The following IL1RAPL1 variants were observed in gnomAD, a reference collection of about 807,000 sequenced individuals.
IL1RAPL1 encodes interleukin 1 receptor accessory protein like 1.
IL1RAPL1 carries 3 observed loss-of-function variants against 48.4 expected under a neutral mutation model. The ratio of observed to expected loss-of-function variants is 0.06; its 90% CI spans 0.03 to 0.16. IL1RAPL1 has a LOEUF of 0.16. Ranked by LOEUF, IL1RAPL1 falls within the 10% of genes least tolerant of loss-of-function variation. The pLI is 1.00. For synonymous variants in IL1RAPL1, 185 were observed against 187.7 expected (o/e 0.99, Z 0.12); for missense variants, 349 against 530.6 (o/e 0.66, Z 3.36).
chrX:29,021,469 ATTC>A (rs1569220948), intron 2 of IL1RAPL1, among the ~76,000 whole-genome samples: 1 of 110,998 alleles, frequency 9.0e-6, no homozygotes, highest in Non-Finnish European at 1.9e-5. Context: ...CCTGGTCCTT[ATTC>A]TTGGTACAGC....
chrX:29,915,276 G>A (rs1037118055), intron 6 of IL1RAPL1, among the ~76,000 whole-genome samples: 5 of 111,717 alleles, frequency 4.5e-5, no homozygotes, highest in East Asian at 2.8e-4. Flanking sequence ...TAGCCTGGGC[G>A]ACAGAGGAAG....
intron 2 of IL1RAPL1, among the ~76,000 whole-genome samples, chrX:28,962,178 A>G (rs993969214): frequency 2.3e-4 from 26 of 112,136 alleles, no homozygotes; most frequent in African/African-American, 8.1e-4. Flanking sequence ...AAGAAAAATT[A>G]TCAGATTTGA....
intron 3 of IL1RAPL1, among the ~76,000 whole-genome samples, chrX:29,393,124 T>C (rs899291689): frequency 2.8e-5 from 3 of 108,419 alleles, no homozygotes; most frequent in Middle Eastern, 4.7e-3. Flanking sequence ...CAAGTAACTT[T>C]CCCTAGTTTT....
intron 5 of IL1RAPL1, among the ~76,000 whole-genome samples, chrX:29,420,079 G>A (rs1485568559): frequency 1.8e-5 from 2 of 111,971 alleles, no homozygotes; most frequent in African/African-American, 6.5e-5. Flanking sequence ...GCAGACAATG[G>A]CAAGGTTTTA....
At chrX:28,954,869 C>T (rs957003491) in intron 2 of IL1RAPL1, among the ~76,000 whole-genome samples, 5 of 111,625 alleles carry the variant, frequency 4.5e-5, no homozygotes, top group African/African-American at 1.6e-4. Flanking sequence ...AATATCTATT[C>T]TCCTTTCCTC....
chrX:29,518,307 T>C (rs958441118), intron 5 of IL1RAPL1, among the ~76,000 whole-genome samples: 1 of 111,059 alleles, frequency 9.0e-6, no homozygotes, highest in African/African-American at 3.3e-5. Flanking sequence ...GGGATCTCGT[T>C]ACAATGCAGA....
chrX:29,507,539 G>A (rs979438859), intron 5 of IL1RAPL1, among the ~76,000 whole-genome samples: 3 of 95,553 alleles, frequency 3.1e-5, no homozygotes, highest in Non-Finnish European at 6.2e-5. Context: ...CAAGTATCAG[G>A]GACTAAAATC....
At chrX:29,554,993 T>C (rs913194167) in intron 5 of IL1RAPL1, among the ~76,000 whole-genome samples, 2 of 112,530 alleles carry the variant, frequency 1.8e-5, no homozygotes, top group African/African-American at 3.2e-5. Flanking sequence ...GCTGCAGATA[T>C]TATGGAATCC....
At chrX:29,039,347 C>T (rs1926793664) in intron 2 of IL1RAPL1, among the ~76,000 whole-genome samples, 1 of 111,803 alleles carries the variant, frequency 8.9e-6, no homozygotes, top group African/African-American at 3.2e-5. Flanking sequence ...CCCAGGGAGG[C>T]AGTCCTCTGC....
intron 2 of IL1RAPL1, among the ~76,000 whole-genome samples, chrX:29,081,546 A>T (rs1053882386): frequency 3.6e-5 from 4 of 111,504 alleles, no homozygotes; most frequent in African/African-American, 1.3e-4. Context: ...ATTGTGTAAG[A>T]GTTAATCTAT....
At chrX:28,972,369 G>A (rs757544673) in intron 2 of IL1RAPL1, among the ~76,000 whole-genome samples, 1 of 112,215 alleles carries the variant, frequency 8.9e-6, no homozygotes, top group Non-Finnish European at 1.9e-5. Flanking sequence ...TGCAGCAGAA[G>A]ACCTTGATAT....
rs1344459418 is a variant in IL1RAPL1 at position 29,413,099 on chromosome X, A to G, written c.703+13791A>G. On this transcript the variant is annotated intron_variant, in intron 5 of 10. Coordinates refer to ENST00000378993, the MANE Select transcript of IL1RAPL1 (RefSeq NM_014271.4). ...GTCTTTGCCATGCTGTTCTGGTGAT[A>G]GTGAGTAAGTCTCACGAGATCTGAT... 3.6e-5 allele frequency among the ~76,000 whole-genome samples: 4 copies of G among 111,213 alleles called. No individual in the cohort carries two copies. The East Asian group carries it at 8.5e-4, about 24-fold the overall frequency.
rs181471109 is a variant in IL1RAPL1, at chrX:29,873,775, G to A, written c.779-43689G>A. Among the ~76,000 whole-genome samples, 111 of 111,827 alleles carry A rather than the reference G, an allele frequency of 9.9e-4. 1 individual carries two copies. The East Asian group carries it at 0.028, about 28-fold the overall frequency. On this transcript the variant is annotated intron_variant, in intron 6 of 10. Coordinates refer to ENST00000378993, the MANE Select transcript of IL1RAPL1 (RefSeq NM_014271.4). ...TGCCTAAGTATTTTGCCAATTTAGCGTTAATGAGTACAGCAATGCCAACAA... is the reference window on the plus strand; with the variant it reads ...TGCCTAAGTATTTTGCCAATTTAGCATTAATGAGTACAGCAATGCCAACAA...
At chrX:28,870,981 C>G (rs1398545469) in intron 2 of IL1RAPL1, among the ~76,000 whole-genome samples, 1 of 111,141 alleles carries the variant, frequency 9.0e-6, no homozygotes, top group African/African-American at 3.3e-5. Context: ...TGTGAAGCAC[C>G]CACCCACTAA....
chrX:29,741,951 A>AAAAAG (rs1569158086), intron 6 of IL1RAPL1, among the ~76,000 whole-genome samples: 2 of 107,887 alleles, frequency 1.9e-5, no homozygotes, highest in African/African-American at 6.8e-5. Context: ...AAAAAAAAAA[A>AAAAAG]AAAAGAAAAG....
At chrX:29,128,256 A>G (rs181529040) in intron 2 of IL1RAPL1, among the ~76,000 whole-genome samples, 2 of 111,312 alleles carry the variant, frequency 1.8e-5, no homozygotes, top group Non-Finnish European at 3.8e-5. Context: ...GCATGACCCA[A>G]TACATTACCT....
chrX:28,625,478 C>A (rs1934330185), intron 1 of IL1RAPL1, among the ~76,000 whole-genome samples: 1 of 111,670 alleles, frequency 9.0e-6, no homozygotes, highest in East Asian at 2.8e-4. Flanking sequence ...CCTCACCTGC[C>A]CTTTTGTATT....
intron 1 of IL1RAPL1, among the ~76,000 whole-genome samples, chrX:28,696,737 T>A (rs1216416507): frequency 9.0e-6 from 1 of 111,459 alleles, no homozygotes; most frequent in Non-Finnish European, 1.9e-5. Context: ...GTAAAAAAAA[T>A]AGTCATTGAA....
intron 5 of IL1RAPL1, among the ~76,000 whole-genome samples, chrX:29,421,017 AGCAT>A (rs1934284305): frequency 8.9e-6 from 1 of 111,959 alleles, no homozygotes; most frequent in Non-Finnish European, 1.9e-5. Flanking sequence ...TGTTTTTAAA[AGCAT>A]GCACAGCTCT....
Sources: allele counts gnomAD v4.1 joint callset (sites outside exome capture counted in the v4.1 genomes callset), GRCh38; gene constraint gnomAD v4.1.1; transcripts MANE v1.5; gene names NCBI Gene and HGNC (gene_info 2026-07-23, HGNC 2026-07-21).